PLCB4: variants seen among roughly 807,000 people sequenced by gnomAD.
PLCB4 encodes the protein 1-phosphatidylinositol 4,5-bisphosphate phosphodiesterase beta-4.
In PLCB4, 77 loss-of-function variants were observed where a neutral mutation model predicts 178.8. The observed-to-expected ratio is 0.43, with a 90% confidence interval of 0.36 to 0.52. The LOEUF is 0.52. Among genes scored for constraint, PLCB4 ranks in the 20% least tolerant of loss-of-function variants. PLCB4 has a pLI of 0.00. For missense variants in PLCB4, 1,024 were observed against 1,453.4 expected (o/e 0.70, Z 4.80); for synonymous variants, 496 against 490.8 (o/e 1.01, Z -0.14).
At chr20:9,403,275 A>G (rs992827552) in intron 20 of PLCB4, among the ~76,000 whole-genome samples, 12 of 152,196 alleles carry the variant, frequency 7.9e-5, no homozygotes, top group Admixed American at 2.6e-4. Flanking sequence ...CAATGGAAAT[A>G]CTGAGATGAT....
chr20:9,258,264 T>C (rs950459233), intron 3 of PLCB4, among the ~76,000 whole-genome samples: 2 of 152,186 alleles, frequency 1.3e-5, no homozygotes, highest in Non-Finnish European at 2.9e-5. Flanking sequence ...ATGTAAATGT[T>C]AGATAATATG....
intron 2 of PLCB4, among the ~76,000 whole-genome samples, chr20:9,177,307 C>T (rs528722442): frequency 5.9e-5 from 9 of 152,170 alleles, no homozygotes; most frequent in East Asian, 5.8e-4. Context: ...TGGGAATAAA[C>T]GATGTGGTTG....
intron 7 of PLCB4, among the ~76,000 whole-genome samples, chr20:9,349,880 G>A (rs1026596738): frequency 9.2e-5 from 14 of 152,124 alleles, no homozygotes; most frequent in African/African-American, 3.4e-4. Context: ...GAAACATAAT[G>A]TATGCTGACA....
At chr20:9,434,077 T>C (rs975992718) in intron 28 of PLCB4, among the ~76,000 whole-genome samples, 1 of 152,204 alleles carries the variant, frequency 6.6e-6, no homozygotes, top group African/African-American at 2.4e-5. Flanking sequence ...TGTCTACCAA[T>C]AGGAACTGGT....
chr20:9,446,260 G>A (rs2042407539), intron 32 of PLCB4, among the ~76,000 whole-genome samples: 1 of 152,192 alleles, frequency 6.6e-6, no homozygotes, highest in South Asian at 2.1e-4. Flanking sequence ...AAAATCAAGA[G>A]TCCAGAATCC....
intron 7 of PLCB4, among the ~76,000 whole-genome samples, chr20:9,348,430 T>A (rs2034022576): frequency 6.6e-6 from 1 of 152,196 alleles, no homozygotes. Context: ...GTCTGGTTAC[T>A]TTGGATCAGG....
intron 26 of PLCB4, among the ~76,000 whole-genome samples, 182 bp downstream of exon 26, chr20:9,420,091 T>G (rs1465835459): frequency 6.6e-6 from 1 of 152,154 alleles, no homozygotes; most frequent in Non-Finnish European, 1.5e-5. Context: ...ATTAGCTACT[T>G]AAAGTGAAAG....
chr20:9,387,453 A>G lies in PLCB4; in HGVS notation c.1065-10A>G, dbSNP rs762567243. The G allele has an allele frequency of 8.0e-6, 11 of 1,383,472 alleles. No individual in the cohort carries two copies. The highest frequency in any genetic ancestry group is 5.6e-5 in the Admixed American group (3 of 53,446). 85.7% of individuals were successfully genotyped at this position (1,383,472 alleles called of 1,614,324 possible). On this transcript the variant is annotated splice_polypyrimidine_tract_variant and intron_variant, in intron 14 of 39. Transcript: ENST00000378473. ...AAAGTTTCAATATTGTAACTTCACT[A>G]TATCCCTAGATGTGTTGAACTTGAC...
intron 13 of PLCB4, among the ~76,000 whole-genome samples, chr20:9,383,642 G>C (rs1443371881): frequency 6.6e-6 from 1 of 152,188 alleles, no homozygotes; most frequent in East Asian, 1.9e-4. Context: ...CTGACTTTTA[G>C]ATAAAATTGA....
chr20:9,324,386 ACAGCACTC>A, intron 4 of PLCB4, among the ~76,000 whole-genome samples: 1 of 152,220 alleles, frequency 6.6e-6, no homozygotes, highest in East Asian at 1.9e-4. Context: ...AGATCATGCC[ACAGCACTC>A]CAGCCTGGTG....
At chr20:9,341,614 G>A (rs2148092381) in intron 7 of PLCB4, among the ~76,000 whole-genome samples, 1 of 152,120 alleles carries the variant, frequency 6.6e-6, no homozygotes, top group Non-Finnish European at 1.5e-5. Context: ...GGGTGGCAGA[G>A]GTGGAGGAGG....
chr20:9,103,839 T>A (rs2091269737), intron 2 of PLCB4, among the ~76,000 whole-genome samples: 1 of 152,140 alleles, frequency 6.6e-6, no homozygotes, highest in Non-Finnish European at 1.5e-5. Context: ...ATTGTTTAAT[T>A]TTAGGCTGCA....
chr20:9,401,674 A>G (rs1602400509), intron 20 of PLCB4, 84 bp downstream of exon 20: 6 of 864,568 alleles, frequency 6.9e-6, no homozygotes, highest in East Asian at 2.6e-5. Context: ...CCACAAGAGA[A>G]TAAAGTAACC....
chr20:9,297,484 C>T (rs2094651717), intron 3 of PLCB4, among the ~76,000 whole-genome samples: 1 of 152,056 alleles, frequency 6.6e-6, no homozygotes, highest in Admixed American at 6.6e-5. Flanking sequence ...ATTCAGGTAA[C>T]CAAACACCAC....
intron 2 of PLCB4, among the ~76,000 whole-genome samples, chr20:9,112,184 C>A (rs1266661881): frequency 6.6e-6 from 1 of 151,426 alleles, no homozygotes; most frequent in African/African-American, 2.4e-5. Flanking sequence ...AAGAGAAGGC[C>A]TTTTACAGTG....
chr20:9,407,255 G>A (rs1385999895), intron 21 of PLCB4, among the ~76,000 whole-genome samples: 1 of 152,140 alleles, frequency 6.6e-6, no homozygotes, highest in East Asian at 1.9e-4. Context: ...TCTTCCAGGT[G>A]ATTCTGATGC....
Position 9,331,983 on chromosome 20 carries a change from T to G in PLCB4, c.85-5143T>G, listed in dbSNP as rs2031738464. Among the ~76,000 whole-genome samples the G allele has an allele frequency of 1.3e-5, 2 of 152,222 alleles. 1 individual carries two copies. Among genetic ancestry groups the G allele is most frequent in the African/African-American group, 4.8e-5 (2 of 41,462 alleles). On this transcript the variant is annotated intron_variant, in intron 4 of 39. Coordinates refer to ENST00000378473, the MANE Select transcript of PLCB4 (RefSeq NM_001377142.1). ...TTCCTGTCCCTTTCTAGCCTTGCTC[T>G]CTAGTGGCCTAAGAGTTGGGCTGGA...
chr20:9,317,412 C>T (rs544933678), intron 4 of PLCB4, among the ~76,000 whole-genome samples: 1 of 152,208 alleles, frequency 6.6e-6, no homozygotes, highest in South Asian at 2.1e-4. Flanking sequence ...GCTTGCTCTT[C>T]TCATTTTCAT....
intron 28 of PLCB4, 145 bp from the exon 29 acceptor site, chr20:9,435,415 C>T (rs1294689787): frequency 2.0e-6 from 1 of 494,834 alleles, no homozygotes; most frequent in East Asian, 3.2e-5. Flanking sequence ...GCTGTGCCTT[C>T]CTCAGTGTGT....
Sources: gnomAD v4.1 joint callset for allele counts (sites outside exome capture counted in the v4.1 genomes callset) on GRCh38, gnomAD v4.1.1 for gene constraint, MANE v1.5 for transcripts, NCBI Gene and HGNC (gene_info 2026-07-23, HGNC 2026-07-21) for gene names.